Variants in FSTL4 observed in about 807,000 individuals in gnomAD.
The protein encoded by FSTL4 is follistatin like 4.
FSTL4 carries 28 observed loss-of-function variants against 78.2 expected under a neutral mutation model. The ratio of observed to expected loss-of-function variants is 0.36; its 90% CI spans 0.27 to 0.49. FSTL4 has a LOEUF of 0.49. Among genes scored for constraint, FSTL4 ranks in the 20% least tolerant of loss-of-function variants. The pLI is 0.98. For synonymous variants in FSTL4, 422 were observed against 440.5 expected (o/e 0.96, Z 0.53); for missense variants, 922 against 1,084.9 (o/e 0.85, Z 2.11).
chr5:133,580,728 C>T (rs1760383549), intron 2 of FSTL4, among the ~76,000 whole-genome samples: 1 of 152,230 alleles, frequency 6.6e-6, no homozygotes, highest in African/African-American at 2.4e-5. Context: ...TCCTGCCCAC[C>T]AGGGGAGCCT....
At chr5:133,768,433 G>A in the FSTL4 span, among the ~76,000 whole-genome samples, 1 of 152,136 alleles carries the variant, frequency 6.6e-6, no homozygotes, top group Admixed American at 6.6e-5. Context: ...AACCTATGAA[G>A]GACAAGAATC....
chr5:133,288,365 C>T (rs1753185248), intron 6 of FSTL4, among the ~76,000 whole-genome samples: 1 of 152,184 alleles, frequency 6.6e-6, no homozygotes, highest in African/African-American at 2.4e-5. Flanking sequence ...CAGGCACCCT[C>T]AGCAGCACAG....
At chr5:133,212,164 A>G (rs1299455605) in intron 13 of FSTL4, among the ~76,000 whole-genome samples, 1 of 152,192 alleles carries the variant, frequency 6.6e-6, no homozygotes, top group East Asian at 1.9e-4. Context: ...CTAACCCATC[A>G]GTAATGATAC....
the FSTL4 span, among the ~76,000 whole-genome samples, chr5:133,767,527 T>G: frequency 6.6e-6 from 1 of 152,204 alleles, no homozygotes; most frequent in African/African-American, 2.4e-5. Flanking sequence ...TGCTGGTCTA[T>G]AGGCAATGGG....
At chr5:133,252,150 C>A (rs182915888) in intron 6 of FSTL4, 2 of 152,220 alleles carry the variant, frequency 1.3e-5, no homozygotes, top group Non-Finnish European at 2.9e-5. Flanking sequence ...ATCGTCAGCT[C>A]GTGCTAATCT....
At chr5:133,733,822 G>A in the FSTL4 span, among the ~76,000 whole-genome samples, 1 of 152,216 alleles carries the variant, frequency 6.6e-6, no homozygotes, top group African/African-American at 2.4e-5. Flanking sequence ...GTCAAGATGG[G>A]AGCTGGGGCT....
intron 3 of FSTL4, among the ~76,000 whole-genome samples, chr5:133,533,700 G>A (rs771263738): frequency 1.3e-5 from 2 of 152,150 alleles, no homozygotes; most frequent in South Asian, 2.1e-4. Flanking sequence ...ACAAACATTC[G>A]CTTCATCAGC....
the FSTL4 span, among the ~76,000 whole-genome samples, chr5:133,824,813 G>A: frequency 6.6e-6 from 1 of 152,080 alleles, no homozygotes; most frequent in Non-Finnish European, 1.5e-5. Flanking sequence ...CACATACCAT[G>A]TCCAATGGCT....
chr5:133,347,062 CCAGTTGCT>C (rs1005597928), intron 4 of FSTL4, among the ~76,000 whole-genome samples: 15 of 152,274 alleles, frequency 9.9e-5, no homozygotes, highest in African/African-American at 2.9e-4. Context: ...TCCCCCACAG[CCAGTTGCT>C]CTTTTCCTTC....
In FSTL4 at chr5:133,212,641, C is replaced by T. The variant is rs555336688; in HGVS notation, c.1609-2343G>A. Reference sequence around the variant, plus strand: ...CAATGGAAAGAATGGAAAGTCCTAACTTTTTTTTTTAAACAGAGTTCCCAA... The same window carrying T: ...CAATGGAAAGAATGGAAAGTCCTAATTTTTTTTTTTAAACAGAGTTCCCAA... On this transcript the variant is annotated intron_variant, in intron 13 of 15. Coordinates refer to ENST00000265342, the MANE Select transcript of FSTL4 (RefSeq NM_015082.2). Among the ~76,000 whole-genome samples, 192 of 149,930 alleles carry T rather than the reference C, an allele frequency of 1.3e-3. 5 individuals carry two copies. Among genetic ancestry groups the T allele is most frequent in the South Asian group, 0.01 (49 of 4,710 alleles).
intron 3 of FSTL4, among the ~76,000 whole-genome samples, chr5:133,514,759 A>G (rs979723508): frequency 6.6e-6 from 1 of 152,238 alleles, no homozygotes; most frequent in Non-Finnish European, 1.5e-5. Context: ...GCAAACCACA[A>G]AACAATTTAT....
chr5:133,632,112 G>A, the FSTL4 span, among the ~76,000 whole-genome samples: 59 of 152,200 alleles, frequency 3.9e-4, no homozygotes, highest in Non-Finnish European at 6.3e-4. Flanking sequence ...AAACCTGTAC[G>A]TTCTGCACAT....
the FSTL4 span, among the ~76,000 whole-genome samples, chr5:133,634,080 T>C: frequency 6.6e-6 from 1 of 152,224 alleles, no homozygotes; most frequent in South Asian, 2.1e-4. Context: ...CCACTAGGCC[T>C]CCTCCAATGC....
intron 4 of FSTL4, among the ~76,000 whole-genome samples, chr5:133,393,822 C>A (rs1379271041): frequency 6.6e-6 from 1 of 152,258 alleles, no homozygotes; most frequent in East Asian, 1.9e-4. Flanking sequence ...GATGATTGAG[C>A]CAGCTTTCCC....
At position 133,316,560 on chromosome 5, in the gene FSTL4, T is replaced by G. The variant is rs752429227; in HGVS notation, c.502A>C (p.Arg168=). The change falls in exon 5 of 16, where the codon AGA becomes CGA. Residue 168 remains arginine, a synonymous_variant. Coordinates refer to ENST00000265342, the MANE Select transcript of FSTL4 (RefSeq NM_015082.2). ...CGCTTCTGGGAGGCAGGGTCTTGTC[T>G]GCTGTCTCCTTCTTGGAGTGGCTGC... The part of the protein sequence containing the change: ...RLQPLQEGDS[R]QDPASQKRLL... The G allele has an allele frequency of 6.2e-7, 1 of 1,614,106 alleles. No homozygotes were observed. Among genetic ancestry groups the G allele is most frequent in the Non-Finnish European group, 8.5e-7 (1 of 1,179,940 alleles).
chr5:133,340,612 GA>G (rs1280374756), intron 4 of FSTL4, among the ~76,000 whole-genome samples: 2 of 152,134 alleles, frequency 1.3e-5, no homozygotes, highest in African/African-American at 2.4e-5. Flanking sequence ...GCCACCAGGA[GA>G]AGGCAGGAAG....
chr5:133,439,087 T>C (rs1043693025), intron 3 of FSTL4, among the ~76,000 whole-genome samples: 2 of 152,316 alleles, frequency 1.3e-5, no homozygotes, highest in South Asian at 2.1e-4. Context: ...AATGGCCAAG[T>C]GTGTTCCCTA....
chr5:133,234,385 G>A (rs555483217), intron 7 of FSTL4, among the ~76,000 whole-genome samples: 3 of 152,298 alleles, frequency 2.0e-5, no homozygotes, highest in Admixed American at 6.5e-5. Context: ...CTGGGCCAGT[G>A]CACAGAGGAG....
the FSTL4 span, among the ~76,000 whole-genome samples, chr5:133,631,596 C>T: frequency 6.6e-6 from 1 of 152,176 alleles, no homozygotes; most frequent in African/African-American, 2.4e-5. Context: ...GTGGCAATTC[C>T]TCAAGGATCT....
Sources: allele counts gnomAD v4.1 joint callset (sites outside exome capture counted in the v4.1 genomes callset), GRCh38; gene constraint gnomAD v4.1.1; transcripts MANE v1.5; gene names NCBI Gene and HGNC (gene_info 2026-07-23, HGNC 2026-07-21).